The following BMPR1B variants were observed in gnomAD, a reference collection of about 807,000 sequenced individuals.
BMPR1B encodes bone morphogenetic protein receptor type-1B.
BMPR1B carries 12 observed loss-of-function variants against 59.1 expected under a neutral mutation model. That is an observed-to-expected ratio of 0.20 (90% confidence interval 0.13 to 0.33). The LOEUF (loss-of-function observed/expected upper bound fraction) is 0.33, where lower values mean the gene tolerates loss of function less well. BMPR1B is among the 10% of genes least tolerant of loss of function. BMPR1B has a pLI of 1.00. For missense variants in BMPR1B, 550 were observed against 610.9 expected (o/e 0.90, Z 1.05); for synonymous variants, 237 against 207.3 (o/e 1.14, Z -1.23).
chr4:95,007,847 C>A (rs150583122), intron 3 of BMPR1B, among the ~76,000 whole-genome samples: 10 of 152,116 alleles, frequency 6.6e-5, no homozygotes, highest in African/African-American at 2.2e-4. Context: ...ATGTGTTAAC[C>A]CATACCAAAG....
intron 3 of BMPR1B, among the ~76,000 whole-genome samples, chr4:95,066,455 A>G (rs1447453461): frequency 2.0e-5 from 3 of 152,250 alleles, no homozygotes; most frequent in African/African-American, 7.2e-5. Context: ...AAAGATGAAT[A>G]TAGTTATGCT....
intron 1 of BMPR1B, among the ~76,000 whole-genome samples, chr4:94,759,664 T>C (rs1721681331): frequency 6.6e-6 from 1 of 152,238 alleles, no homozygotes; most frequent in Non-Finnish European, 1.5e-5. Context: ...TATTTCTAGC[T>C]GTAAAGAAAA....
chr4:94,816,242 G>A (rs1724006697), intron 1 of BMPR1B, among the ~76,000 whole-genome samples: 1 of 152,164 alleles, frequency 6.6e-6, no homozygotes, highest in African/African-American at 2.4e-5. Flanking sequence ...TGCCTCCCAG[G>A]TTCAAGCGAT....
intron 8 of BMPR1B, among the ~76,000 whole-genome samples, chr4:95,127,424 A>G (rs564284594): frequency 1.3e-5 from 2 of 152,162 alleles, no homozygotes; most frequent in South Asian, 4.1e-4. Context: ...AGTATCGCCA[A>G]TTCTGTCAAA....
At chr4:95,058,751 A>G (rs1727118633) in intron 3 of BMPR1B, among the ~76,000 whole-genome samples, 1 of 152,212 alleles carries the variant, frequency 6.6e-6, no homozygotes, top group Admixed American at 6.5e-5. Context: ...GTTTACCTTT[A>G]TTTTCTCTCT....
intron 3 of BMPR1B, among the ~76,000 whole-genome samples, chr4:95,097,253 GA>G (rs1730498443): frequency 6.6e-6 from 1 of 150,886 alleles, no homozygotes; most frequent in Non-Finnish European, 1.5e-5. Flanking sequence ...AGAGAGAAGA[GA>G]GGGGAGGGAG....
chr4:94,858,385 A>T (rs1332334202), intron 1 of BMPR1B, among the ~76,000 whole-genome samples: 1 of 152,248 alleles, frequency 6.6e-6, no homozygotes, highest in African/African-American at 2.4e-5. Context: ...AGTAAAAAAT[A>T]TAGAAAATAA....
chr4:95,023,984 G>A (rs1724176679), intron 3 of BMPR1B, among the ~76,000 whole-genome samples: 1 of 152,158 alleles, frequency 6.6e-6, no homozygotes, highest in Non-Finnish European at 1.5e-5. Context: ...ACTCAGAACT[G>A]CAGTAGAGCT....
intron 2 of BMPR1B, among the ~76,000 whole-genome samples, chr4:94,916,019 A>G (rs754426434): frequency 2.0e-5 from 3 of 152,156 alleles, no homozygotes; most frequent in Non-Finnish European, 4.4e-5. Flanking sequence ...TGCCATCAGT[A>G]AAAGCTCCCT....
intron 2 of BMPR1B, among the ~76,000 whole-genome samples, chr4:94,890,639 T>C (rs1250962886): frequency 6.6e-6 from 1 of 152,078 alleles, no homozygotes; most frequent in Non-Finnish European, 1.5e-5. Flanking sequence ...TTCTGGAAGC[T>C]GAACGTTTAA....
At chr4:94,886,177 T>C (rs1727163563) in intron 2 of BMPR1B, among the ~76,000 whole-genome samples, 1 of 152,084 alleles carries the variant, frequency 6.6e-6, no homozygotes, top group African/African-American at 2.4e-5. Context: ...TAATCAAAAG[T>C]AAGCTTGGAT....
At chr4:94,802,626 A>T (rs13139748) in intron 1 of BMPR1B, among the ~76,000 whole-genome samples, 13,540 of 152,212 alleles carry the variant, frequency 0.089, 735 homozygotes, top group African/African-American at 0.16. Flanking sequence ...GGAAGTTTTG[A>T]TAGAATTAGA....
chr4:94,774,159 C>T (rs1722285183), intron 1 of BMPR1B, among the ~76,000 whole-genome samples: 1 of 151,976 alleles, frequency 6.6e-6, no homozygotes, highest in Non-Finnish European at 1.5e-5. Context: ...TCTGTGCAAC[C>T]TCCCCTATGA....
chr4:95,042,346 C>T (rs1015832204), intron 3 of BMPR1B, among the ~76,000 whole-genome samples: 1 of 152,234 alleles, frequency 6.6e-6, no homozygotes, highest in South Asian at 2.1e-4. Flanking sequence ...GCCAAACAAA[C>T]AGATTGTAAG....
chr4:95,133,944 T>C (rs1183736675), intron 10 of BMPR1B, among the ~76,000 whole-genome samples: 1 of 151,962 alleles, frequency 6.6e-6, no homozygotes, highest in African/African-American at 2.4e-5. Context: ...TTGTTACATA[T>C]GTATACGTGT....
chr4:95,083,457 C>G (rs1248595207), intron 3 of BMPR1B, among the ~76,000 whole-genome samples: 2 of 151,956 alleles, frequency 1.3e-5, no homozygotes, highest in Non-Finnish European at 2.9e-5. Context: ...CTTAGAAGCT[C>G]AAGAGTTAGA....
chr4:94,950,540 A>G (rs1370066956), intron 2 of BMPR1B, among the ~76,000 whole-genome samples: 2 of 152,216 alleles, frequency 1.3e-5, no homozygotes, highest in Admixed American at 1.3e-4. Context: ...CATTTATTAA[A>G]TAGGGAATCC....
intron 1 of BMPR1B, among the ~76,000 whole-genome samples, chr4:94,795,898 A>G (rs1445796778): frequency 1.3e-5 from 2 of 152,126 alleles, no homozygotes; most frequent in African/African-American, 4.8e-5. Flanking sequence ...CTGCATTTGT[A>G]AAAGTGGTGA....
At chr4:94,965,777 A>AGAGAGTGTGTATGTGT (rs149275419) in intron 2 of BMPR1B, among the ~76,000 whole-genome samples, 1 of 152,072 alleles carries the variant, frequency 6.6e-6, no homozygotes, top group African/African-American at 2.4e-5. Context: ...TGTGTGTGAG[A>AGAGAGTGTGTATGTGT]GTGTATGTGT....
Sources: gnomAD v4.1 joint callset for allele counts (sites outside exome capture counted in the v4.1 genomes callset) on GRCh38, gnomAD v4.1.1 for gene constraint, MANE v1.5 for transcripts, NCBI Gene and HGNC (gene_info 2026-07-23, HGNC 2026-07-21) for gene names.